The following DCC variants were observed in gnomAD, a reference collection of about 807,000 sequenced individuals.
DCC encodes the protein DCC netrin 1 receptor.
A neutral mutation model predicts 172.5 loss-of-function variants in DCC; 58 were observed. That is an observed-to-expected ratio of 0.34 (90% CI 0.27 to 0.42). The LOEUF (loss-of-function observed/expected upper bound fraction) is 0.42. Among genes scored for constraint, DCC ranks in the 10% least tolerant of loss-of-function variants. The probability of loss-of-function intolerance (pLI) is 1.00; values close to 1 mark genes in which losing one functional copy is unlikely to be tolerated. For synonymous variants in DCC, 709 were observed against 644.5 expected, an observed-to-expected ratio of 1.10 and a Z score of -1.52; for missense variants, 1,740 against 1,791.0, an observed-to-expected ratio of 0.97 and a Z score of 0.51.
At chr18:53,343,861 T>C (rs1191383554) in intron 15 of DCC, among the ~76,000 whole-genome samples, 1 of 152,076 alleles carries the variant, frequency 6.6e-6, no homozygotes, top group Non-Finnish European at 1.5e-5. Context: ...GCAAACTTTC[T>C]TGTATTGATT....
At chr18:53,396,968 T>C (rs1908989575) in intron 17 of DCC, among the ~76,000 whole-genome samples, 1 of 152,048 alleles carries the variant, frequency 6.6e-6, no homozygotes, top group East Asian at 1.9e-4. Flanking sequence ...AAGCACAAAG[T>C]GATATTTATA....
At chr18:52,820,383 A>G (rs1236381060) in intron 2 of DCC, among the ~76,000 whole-genome samples, 5 of 152,236 alleles carry the variant, frequency 3.3e-5, no homozygotes, top group African/African-American at 7.2e-5. Context: ...CGTTCCTAAC[A>G]ATACATTTTT....
At chr18:52,412,676 C>T (rs1035947375) in intron 1 of DCC, among the ~76,000 whole-genome samples, 1 of 152,118 alleles carries the variant, frequency 6.6e-6, no homozygotes, top group Non-Finnish European at 1.5e-5. Context: ...TTCAGACTTG[C>T]ATACTTCAAT....
intron 12 of DCC, among the ~76,000 whole-genome samples, chr18:53,257,136 T>C (rs1262032254): frequency 2.0e-5 from 3 of 152,214 alleles, no homozygotes; most frequent in Non-Finnish European, 4.4e-5. Context: ...GTTTTCTAGA[T>C]GTACAATCAT....
intron 1 of DCC, among the ~76,000 whole-genome samples, chr18:52,642,230 C>T (rs1194534579): frequency 6.6e-6 from 1 of 151,622 alleles, no homozygotes; most frequent in African/African-American, 2.4e-5. Context: ...AATGGAAAAC[C>T]AAACATCATA....
At chr18:52,632,176 A>G (rs1020527850) in intron 1 of DCC, among the ~76,000 whole-genome samples, 2 of 152,210 alleles carry the variant, frequency 1.3e-5, no homozygotes, top group African/African-American at 4.8e-5. Context: ...CTCAATTGGT[A>G]AGTAAATATT....
chr18:53,197,680 C>T (rs563898837), intron 9 of DCC, among the ~76,000 whole-genome samples: 1 of 151,920 alleles, frequency 6.6e-6, no homozygotes, highest in Admixed American at 6.6e-5. Context: ...CTTTGAAAAC[C>T]TCATATTCAG....
At chr18:53,352,280 T>C (rs2057821381) in intron 15 of DCC, among the ~76,000 whole-genome samples, 2 of 152,138 alleles carry the variant, frequency 1.3e-5, no homozygotes, top group African/African-American at 2.4e-5. Flanking sequence ...TTATTTGTTC[T>C]GTGAGCTGGA....
At chr18:52,673,606 T>C (rs2035594440) in intron 1 of DCC, among the ~76,000 whole-genome samples, 1 of 152,212 alleles carries the variant, frequency 6.6e-6, no homozygotes, top group Non-Finnish European at 1.5e-5. Flanking sequence ...CCTCCTTTTT[T>C]CTTGGAAATG....
At chr18:52,908,150 C>T (rs2039918567) in intron 3 of DCC, among the ~76,000 whole-genome samples, 1 of 152,180 alleles carries the variant, frequency 6.6e-6, no homozygotes, top group Non-Finnish European at 1.5e-5. Flanking sequence ...GTATAGTTAT[C>T]ACAAGTACTT....
intron 1 of DCC, among the ~76,000 whole-genome samples, chr18:52,722,744 C>T (rs926388509): frequency 3.3e-5 from 5 of 152,144 alleles, no homozygotes; most frequent in African/African-American, 1.2e-4. Context: ...ACACACTGAG[C>T]AGTGCAGTCA....
At chr18:53,456,433 G>A (rs2145160704) in intron 23 of DCC, among the ~76,000 whole-genome samples, 1 of 152,288 alleles carries the variant, frequency 6.6e-6, no homozygotes, top group East Asian at 1.9e-4. Flanking sequence ...AGAAGCAGAA[G>A]GATGACTGGT....
chr18:53,055,147 C>A (rs544289804), intron 5 of DCC, among the ~76,000 whole-genome samples: 1 of 152,150 alleles, frequency 6.6e-6, no homozygotes, highest in East Asian at 1.9e-4. Flanking sequence ...CCATGCTTGG[C>A]CTTGGGGACA....
chr18:53,511,484 G>A (rs991751382), intron 27 of DCC, among the ~76,000 whole-genome samples: 2 of 152,192 alleles, frequency 1.3e-5, no homozygotes, highest in East Asian at 1.9e-4. Flanking sequence ...GAACAGCTCC[G>A]GTCTACAGCT....
At chr18:52,404,417 G>A (rs903914517) in intron 1 of DCC, among the ~76,000 whole-genome samples, 3 of 149,838 alleles carry the variant, frequency 2.0e-5, no homozygotes, top group Non-Finnish European at 4.4e-5. Context: ...GTAAAATGAT[G>A]TACGCTGACT....
intron 9 of DCC, among the ~76,000 whole-genome samples, chr18:53,200,177 TC>T (rs1395721279): frequency 1.3e-5 from 2 of 152,026 alleles, no homozygotes; most frequent in African/African-American, 4.8e-5. Context: ...GCCTGATATT[TC>T]CCCGCCAATA....
chr18:52,863,210 T>C (rs964515232), intron 2 of DCC, among the ~76,000 whole-genome samples: 1 of 152,014 alleles, frequency 6.6e-6, no homozygotes. Context: ...TCTTATAACA[T>C]TTCTTACCGA....
chr18:52,907,599 A>G (rs1015222770), intron 3 of DCC, among the ~76,000 whole-genome samples: 1 of 151,992 alleles, frequency 6.6e-6, no homozygotes, highest in African/African-American at 2.4e-5. Context: ...ATTTTTTTGT[A>G]AAGAAGAGGT....
intron 15 of DCC, among the ~76,000 whole-genome samples, chr18:53,348,756 G>A (rs1030491095): frequency 6.6e-6 from 1 of 152,134 alleles, no homozygotes; most frequent in South Asian, 2.1e-4. Flanking sequence ...TGAAACCATG[G>A]CCCTATCTCT....
Sources: gnomAD v4.1 joint callset for allele counts (sites outside exome capture counted in the v4.1 genomes callset) on GRCh38, gnomAD v4.1.1 for gene constraint, MANE v1.5 for transcripts, NCBI Gene and HGNC (gene_info 2026-07-23, HGNC 2026-07-21) for gene names.